The following PARP8 variants were observed in gnomAD, a reference collection of about 807,000 sequenced individuals.
PARP8 encodes protein mono-ADP-ribosyltransferase PARP8.
A neutral mutation model predicts 124.1 loss-of-function variants in PARP8; 51 were observed. That is an observed-to-expected ratio of 0.41 (90% CI 0.33 to 0.52). The LOEUF (loss-of-function observed/expected upper bound fraction) is 0.52. Ranked by LOEUF, PARP8 falls within the 20% of genes least tolerant of loss-of-function variation. PARP8 has a pLI of 0.21. For missense variants in PARP8, 860 were observed against 1,018.9 expected, an observed-to-expected ratio of 0.84 and a Z score of 2.12; for synonymous variants, 391 against 361.5, an observed-to-expected ratio of 1.08 and a Z score of -0.93.
rs760230087 is a variant in PARP8, at chr5:50,778,119, G to A, written c.569G>A (p.Ser190Asn). The change falls in exon 8 of 26, where the codon AGC becomes AAC. Residue 190 changes from serine (S) to asparagine (N), a missense_variant. Physicochemically the swap from Ser to Asn is conservative, Grantham distance 46. Coordinates refer to ENST00000281631, the MANE Select transcript of PARP8 (RefSeq NM_024615.4). ...GATATTGATCTGCATATCGATGTTA[G>A]CTTTCTTGATGTAAGTATCAATTTT... ...DVDIDLHIDV[S>N]FLDEEIAVAW... The A allele has an allele frequency of 1.2e-6, 2 of 1,605,042 alleles. No homozygotes were observed. The highest frequency in any genetic ancestry group is 1.1e-5 in the South Asian group (1 of 89,086).
chr5:50,668,232 A>G (rs1749589502), intron 2 of PARP8, 107 bp downstream of exon 2: 2 of 1,066,434 alleles, frequency 1.9e-6, no homozygotes, highest in African/African-American at 1.6e-5. Flanking sequence ...TTGTTTGATT[A>G]TTGTGGCTTT....
At chr5:50,787,702 A>G (rs1561379601) in intron 9 of PARP8, among the ~76,000 whole-genome samples, 1 of 152,086 alleles carries the variant, frequency 6.6e-6, no homozygotes, top group Non-Finnish European at 1.5e-5. Context: ...TAAACCAGTG[A>G]ATAATGAAAA....
rs1220769156 is a variant in PARP8 at position 50,788,608 on chromosome 5, A to G, written c.737+19A>G. On this transcript the variant is annotated intron_variant, in intron 10 of 25. Transcript: ENST00000281631. ...TGAAAAAGTAAGTTTGCTAAAGTGCAAAAAATAAATTTCTGCTAAAGAGAA... is the reference window on the plus strand; with the variant it reads ...TGAAAAAGTAAGTTTGCTAAAGTGCGAAAAATAAATTTCTGCTAAAGAGAA... 6.3e-7 allele frequency: 1 copy of G among 1,594,946 alleles called. No homozygotes were observed. Among genetic ancestry groups the G allele is most frequent in the Admixed American group, 1.7e-5 (1 of 59,580 alleles).
intron 2 of PARP8, among the ~76,000 whole-genome samples, chr5:50,721,575 T>C (rs1269163236): frequency 2.0e-5 from 3 of 152,104 alleles, no homozygotes; most frequent in Admixed American, 2.0e-4. Context: ...ACCGATTGTA[T>C]TGTTCTGTGC....
At chr5:50,778,221 A>G in intron 8 of PARP8, 92 bp downstream of exon 8, 1 of 975,586 alleles carries the variant, frequency 1.0e-6, no homozygotes, top group Non-Finnish European at 1.5e-6. Flanking sequence ...TTTGTCTTAT[A>G]ATACTATTAG....
intron 7 of PARP8, among the ~76,000 whole-genome samples, chr5:50,776,768 C>T (rs973034588): frequency 5.9e-5 from 9 of 152,094 alleles, no homozygotes; most frequent in African/African-American, 2.2e-4. Flanking sequence ...AAAGTTTCTT[C>T]TCTGAACTCT....
chr5:50,755,665 C>T lies in PARP8; in HGVS notation c.185-3978C>T, dbSNP rs1759856131. Among the ~76,000 whole-genome samples the T allele has an allele frequency of 2.0e-5, 3 of 152,222 alleles. No individual in the cohort carries two copies. In the South Asian group the frequency reaches 6.2e-4, roughly 32 times the overall value. On this transcript the variant is annotated intron_variant, in intron 3 of 25. Coordinates refer to ENST00000281631, the MANE Select transcript of PARP8 (RefSeq NM_024615.4). The stretch of plus-strand genomic sequence containing the variant: ...CTTCGGATTGACTTGGCAATGCAGG[C>T]TGTTTTTTGGTTCCATATGAACTTT...
rs980945534 is a variant in PARP8 at position 50,708,483 on chromosome 5, A to T, written c.146+40358A>T. On this transcript the variant is annotated intron_variant, in intron 2 of 25. Transcript: ENST00000281631. ...ATTTTACCCTCATTTTAATTAATAG[A>T]TTGAGAAGGTATGGAATTCTGTGTT... Among the ~76,000 whole-genome samples, 4 of 151,990 alleles carry T rather than the reference A, an allele frequency of 2.6e-5. No homozygotes were observed. The South Asian group carries it at 6.2e-4, about 24-fold the overall frequency.
At chr5:50,719,775 G>T (rs577995346) in intron 2 of PARP8, among the ~76,000 whole-genome samples, 1 of 152,074 alleles carries the variant, frequency 6.6e-6, no homozygotes, top group South Asian at 2.1e-4. Context: ...TAGTTTAAAA[G>T]AATAAAGAGA....
chr5:50,748,875 C>T (rs1290729773), intron 2 of PARP8, among the ~76,000 whole-genome samples: 2 of 152,156 alleles, frequency 1.3e-5, no homozygotes, highest in Non-Finnish European at 2.9e-5. Flanking sequence ...TTGTCTTTCA[C>T]TCAAATTGGG....
At chr5:50,730,034 T>C (rs1756821996) in intron 2 of PARP8, among the ~76,000 whole-genome samples, 1 of 152,176 alleles carries the variant, frequency 6.6e-6, no homozygotes, top group South Asian at 2.1e-4. Context: ...CAGAAATACA[T>C]TAAGATATTA....
intron 2 of PARP8, among the ~76,000 whole-genome samples, chr5:50,745,793 C>T (rs1758474847): frequency 6.6e-6 from 1 of 152,170 alleles, no homozygotes; most frequent in Non-Finnish European, 1.5e-5. Flanking sequence ...AGAAGGGTGC[C>T]TTGATCATCA....
chr5:50,713,991 C>T (rs1286618903), intron 2 of PARP8, among the ~76,000 whole-genome samples: 6 of 152,078 alleles, frequency 3.9e-5, no homozygotes, highest in Non-Finnish European at 8.8e-5. Flanking sequence ...TGGTTGAACC[C>T]ATTTAATTGG....
chr5:50,699,332 C>G (rs1753352063), intron 2 of PARP8, among the ~76,000 whole-genome samples: 1 of 152,152 alleles, frequency 6.6e-6, no homozygotes, highest in African/African-American at 2.4e-5. Flanking sequence ...TAAGTCCGTT[C>G]CCTAAAGGAC....
In PARP8 at chr5:50,795,377, G is replaced by A. The variant is rs756238326; in HGVS notation, c.1388G>A (p.Gly463Asp). The A allele has an allele frequency of 6.2e-7, 1 of 1,612,198 alleles. No homozygotes were observed. The highest frequency in any genetic ancestry group is 1.1e-5 in the South Asian group (1 of 90,842). The part of the protein sequence containing the change: ...RRLSLTSGLI[G>D]ILTPSSSSSS... ...CTCTCTCTTACCTCAGGGCTTATTG[G>A]TATCCTAACACCATCTTCATCTTCA... Residue 463 changes from glycine (G) to aspartate (D), a missense_variant, in exon 12 of 26, where the codon GGT (glycine) becomes GAT (aspartate). Gly to Asp is a moderately conservative substitution (Grantham distance 94). Coordinates refer to ENST00000281631, the MANE Select transcript of PARP8 (RefSeq NM_024615.4).
At chr5:50,805,017 C>A (rs1034304186) in intron 14 of PARP8, among the ~76,000 whole-genome samples, 4 of 151,910 alleles carry the variant, frequency 2.6e-5, no homozygotes, top group African/African-American at 9.7e-5. Context: ...AGTAAGTACT[C>A]CTTGGGTTGC....
At chr5:50,667,785 G>T in intron 1 of PARP8, 1 of 867,584 alleles carries the variant, frequency 1.2e-6, no homozygotes, top group Non-Finnish European at 1.9e-6. Flanking sequence ...TTTTGCTTTC[G>T]CTACCGCGAG....
chr5:50,816,751 G>A (rs1424144710), intron 15 of PARP8, among the ~76,000 whole-genome samples: 1 of 152,084 alleles, frequency 6.6e-6, no homozygotes, highest in Non-Finnish European at 1.5e-5. Flanking sequence ...ACGGTTCTGA[G>A]CATCCCTATA....
chr5:50,802,965 A>G (rs1743399736), intron 14 of PARP8, among the ~76,000 whole-genome samples: 2 of 152,140 alleles, frequency 1.3e-5, no homozygotes, highest in East Asian at 3.9e-4. Flanking sequence ...AATCTGAAGA[A>G]CTCCCTTCAT....
Sources: allele counts gnomAD v4.1 joint callset (sites outside exome capture counted in the v4.1 genomes callset), GRCh38; gene constraint gnomAD v4.1.1; transcripts MANE v1.5; gene names NCBI Gene and HGNC (gene_info 2026-07-23, HGNC 2026-07-21).